The following FBN2 variants were observed in gnomAD, a reference collection of about 807,000 sequenced individuals.
The protein encoded by FBN2 is fibrillin 2.
A neutral mutation model predicts 355.6 loss-of-function variants in FBN2; 105 were observed. The ratio of observed to expected loss-of-function variants is 0.30; its 90% CI spans 0.25 to 0.35. The LOEUF (loss-of-function observed/expected upper bound fraction) is 0.35, where lower values mean the gene tolerates loss of function less well. FBN2 is among the 10% of genes least tolerant of loss of function. FBN2 has a pLI of 1.00. For missense variants in FBN2, 3,280 were observed against 3,758.7 expected, an observed-to-expected ratio of 0.87 and a Z score of 3.33; for synonymous variants, 1,350 against 1,301.2, an observed-to-expected ratio of 1.04 and a Z score of -0.81.
rs777516112 is a variant in FBN2, at chr5:128,290,811, T to C, written c.6366A>G (p.Thr2122=). 2.5e-6 allele frequency: 4 copies of C among 1,614,040 alleles called. No individual in the cohort carries two copies. The South Asian group carries it at 3.3e-5, about 13-fold the overall frequency. ...TCTTACTACAGCAGCATTTTGCTTT[T>C]GTGGTGTTGAAAGCTTTGGGTACAG... ...KCSVPKAFNT[T]KAKCCCSKMP... is the part of the protein sequence containing the mutation. The change falls in exon 50 of 65, where the codon ACA becomes ACG. Residue 2122 remains threonine, a synonymous_variant. Coordinates refer to ENST00000262464, the MANE Select transcript of FBN2 (RefSeq NM_001999.4).
intron 8 of FBN2, among the ~76,000 whole-genome samples, chr5:128,401,285 T>C (rs553257604): frequency 5.9e-5 from 9 of 152,308 alleles, no homozygotes; most frequent in African/African-American, 2.2e-4. Flanking sequence ...AACACTGCAA[T>C]GTAACACTTA....
chr5:128,333,099 T>C (rs990176501), intron 31 of FBN2, 65 bp from the exon 32 acceptor site: 2 of 1,379,710 alleles, frequency 1.4e-6, no homozygotes, highest in Non-Finnish European at 2.1e-6. Context: ...CTTCCAAGTA[T>C]ATTTTTGTAT....
Position 128,500,460 on chromosome 5 carries a change from T to C in FBN2, c.628+18813A>G, listed in dbSNP as rs796675524. 3.0e-3 allele frequency among the ~76,000 whole-genome samples: 337 copies of C among 112,122 alleles called. 4 individuals are homozygous for C. The highest frequency in any genetic ancestry group is 0.012 in the African/African-American group (295 of 23,926). 73.6% of individuals were successfully genotyped at this position (112,122 alleles called of 152,430 possible). A position where few individuals can be genotyped will look rare whatever the true frequency, so the allele number is the denominator to read the frequency against. On this transcript the variant is annotated intron_variant, in intron 5 of 64. Transcript: ENST00000262464. ...TTTTTTTTTTTTTTTTTTTTTTTTT[T>C]CAGACAGGGTCTCGCTCTTCCACCC...
chr5:128,464,010 T>G (rs543898863), intron 6 of FBN2, among the ~76,000 whole-genome samples: 7 of 152,344 alleles, frequency 4.6e-5, no homozygotes, highest in Non-Finnish European at 1.0e-4. Flanking sequence ...TTAAGACATT[T>G]GATATCAGAG....
intron 8 of FBN2, among the ~76,000 whole-genome samples, chr5:128,399,867 G>A (rs997273386): frequency 6.6e-6 from 1 of 151,834 alleles, no homozygotes; most frequent in Non-Finnish European, 1.5e-5. Flanking sequence ...AGGTCGGGGG[G>A]ATCCTGAACA....
intron 2 of FBN2, among the ~76,000 whole-genome samples, chr5:128,533,622 G>C (rs1206766264): frequency 2.0e-5 from 3 of 152,102 alleles, no homozygotes; most frequent in African/African-American, 4.8e-5. Flanking sequence ...CTCTGCCATT[G>C]ATCTGCTATG....
At chr5:128,311,788 C>A in intron 38 of FBN2, 97 bp downstream of exon 38, 1 of 844,760 alleles carries the variant, frequency 1.2e-6, no homozygotes, top group Non-Finnish European at 2.0e-6. Context: ...ACTAAATTAT[C>A]TTGTCGGGGC....
intron 46 of FBN2, among the ~76,000 whole-genome samples, chr5:128,302,473 T>C (rs972487184): frequency 1.3e-5 from 2 of 152,192 alleles, no homozygotes; most frequent in African/African-American, 4.8e-5. Context: ...TGAGGGCTTA[T>C]CTAGAAACCT....
At chr5:128,361,618 T>C in intron 19 of FBN2, 105 bp downstream of exon 19, 3 of 1,389,972 alleles carry the variant, frequency 2.2e-6, no homozygotes, top group African/African-American at 1.4e-5. Flanking sequence ...AAATAAAATA[T>C]TCAAACAATA....
chr5:128,318,859 T>C lies in FBN2; in HGVS notation c.4594+20A>G, dbSNP rs1000658791. 3.7e-6 allele frequency: 6 copies of C among 1,610,350 alleles called. No homozygotes were observed. Among genetic ancestry groups the C allele is most frequent in the Non-Finnish European group, 3.4e-6 (4 of 1,177,226 alleles). ...CATTTCAATGAATCAGAACACAACT[T>C]AGCTGGTAACTGACCATACCTGTAC... On this transcript the variant is annotated intron_variant, in intron 35 of 64. Transcript: ENST00000262464.
intron 27 of FBN2, among the ~76,000 whole-genome samples, chr5:128,337,779 T>C (rs1049826460): frequency 6.6e-6 from 1 of 152,064 alleles, no homozygotes; most frequent in Non-Finnish European, 1.5e-5. Flanking sequence ...TGGCTTGTTA[T>C]AAAAAAAGAG....
intron 23 of FBN2, among the ~76,000 whole-genome samples, chr5:128,348,730 AAATT>A (rs1184638089): frequency 2.0e-5 from 3 of 152,188 alleles, no homozygotes; most frequent in Non-Finnish European, 2.9e-5. Context: ...CATACAATGA[AAATT>A]AATAGAAATT....
intron 5 of FBN2, among the ~76,000 whole-genome samples, chr5:128,496,644 G>C (rs765143453): frequency 6.6e-6 from 1 of 152,002 alleles, no homozygotes; most frequent in Non-Finnish European, 1.5e-5. Context: ...TTGTACCAGA[G>C]GTTCCAGCCA....
At chr5:128,280,390 TTATATC>T in intron 55 of FBN2, 73 bp from the exon 56 acceptor site, 2 of 1,176,184 alleles carry the variant, frequency 1.7e-6, no homozygotes, top group Non-Finnish European at 2.5e-6. Flanking sequence ...TTCTAATGGG[TTATATC>T]TTATTTAACA....
chr5:128,452,354 T>G (rs959953539), intron 6 of FBN2, among the ~76,000 whole-genome samples: 1 of 152,198 alleles, frequency 6.6e-6, no homozygotes, highest in African/African-American at 2.4e-5. Context: ...CAATTATATA[T>G]TTTGAAATTT....
chr5:128,412,734 G>A lies in FBN2; in HGVS notation c.953-3935C>T, dbSNP rs569659668. 3.3e-5 allele frequency among the ~76,000 whole-genome samples: 5 copies of A among 152,330 alleles called. No individual in the cohort carries two copies. In the South Asian group the frequency reaches 1.0e-3, roughly 32 times the overall value. Reference sequence around the variant, plus strand: ...ATCCTGAAAAGCCAAGCCAAGGACTGTGGCTTTTATTCTGAAGGTGATGAA... The same window carrying A: ...ATCCTGAAAAGCCAAGCCAAGGACTATGGCTTTTATTCTGAAGGTGATGAA... On this transcript the variant is annotated intron_variant, in intron 7 of 64. Coordinates refer to ENST00000262464, the MANE Select transcript of FBN2 (RefSeq NM_001999.4).
chr5:128,368,694 G>A (rs1443038615), intron 16 of FBN2, among the ~76,000 whole-genome samples: 1 of 151,698 alleles, frequency 6.6e-6, no homozygotes, highest in Non-Finnish European at 1.5e-5. Context: ...TAAAGAGTCA[G>A]CATCTCGCTC....
At chr5:128,419,371 A>T (rs1561447862) in intron 7 of FBN2, among the ~76,000 whole-genome samples, 1 of 152,202 alleles carries the variant, frequency 6.6e-6, no homozygotes, top group East Asian at 1.9e-4. Flanking sequence ...GTGAGAGTAG[A>T]CATCAGTCTT....
At chr5:128,263,751 C>A (rs1765044325) in intron 62 of FBN2, 95 bp from the exon 63 acceptor site, 4 of 766,432 alleles carry the variant, frequency 5.2e-6, no homozygotes, top group Non-Finnish European at 8.7e-6. Context: ...GATTTTATGG[C>A]AGAAATAACT....
Sources: gnomAD v4.1 joint callset for allele counts (sites outside exome capture counted in the v4.1 genomes callset) on GRCh38, gnomAD v4.1.1 for gene constraint, MANE v1.5 for transcripts, NCBI Gene and HGNC (gene_info 2026-07-23, HGNC 2026-07-21) for gene names.